Variants in DSCAM observed in about 807,000 individuals in gnomAD.
The protein encoded by DSCAM is cell adhesion molecule DSCAM.
Under a neutral mutation model 217.7 loss-of-function variants are expected in DSCAM, and 47 were observed. The ratio of observed to expected loss-of-function variants is 0.22; its 90% CI spans 0.17 to 0.28. The LOEUF (loss-of-function observed/expected upper bound fraction) is 0.28. Among genes scored for constraint, DSCAM ranks in the 10% least tolerant of loss-of-function variants. DSCAM has a pLI of 1.00. For synonymous variants in DSCAM, 1,056 were observed against 1,015.3 expected (o/e 1.04, Z -0.76); for missense variants, 2,080 against 2,618.3 (o/e 0.79, Z 4.49).
chr21:40,111,674 T>G (rs2089900682), intron 20 of DSCAM, among the ~76,000 whole-genome samples: 1 of 152,072 alleles, frequency 6.6e-6, no homozygotes, highest in Admixed American at 6.5e-5. Flanking sequence ...GAAACCCATC[T>G]CACATGCAGA....
At chr21:40,487,124 T>G (rs990255747) in intron 3 of DSCAM, among the ~76,000 whole-genome samples, 6 of 152,152 alleles carry the variant, frequency 3.9e-5, no homozygotes, top group Admixed American at 1.3e-4. Context: ...TCCTTTAAAT[T>G]TAACCTTTCA....
At chr21:40,580,567 C>T (rs1203906233) in intron 3 of DSCAM, among the ~76,000 whole-genome samples, 1 of 150,716 alleles carries the variant, frequency 6.6e-6, no homozygotes, top group Non-Finnish European at 1.5e-5. Flanking sequence ...CTACTGAGAA[C>T]GTTAAAAAGA....
chr21:40,080,283 C>T lies in DSCAM; in HGVS notation c.4289G>A (p.Ser1430Asn). 6.2e-7 allele frequency: 1 copy of T among 1,613,432 alleles called. No individual in the cohort carries two copies. The highest frequency in any genetic ancestry group is 1.1e-5 in the South Asian group (1 of 91,060). Reference sequence around the variant, plus strand: ...CAAGCGATAGGAACGTTCGCTGGGGCTGATTGGAAAACTCCCCCACTGCTC... The same window carrying T: ...CAAGCGATAGGAACGTTCGCTGGGGTTGATTGGAAAACTCCCCCACTGCTC... ...NSEQWGSFPI[S>N]PSERSYRLEN... Residue 1430 changes from serine (S) to asparagine (N), a missense_variant, in exon 25 of 33, where the codon AGC becomes AAC. By Grantham distance (46) the Ser-to-Asn change is conservative (BLOSUM62 1). Coordinates refer to ENST00000400454, the MANE Select transcript of DSCAM (RefSeq NM_001389.5).
chr21:40,416,152 T>C (rs1668855704), intron 3 of DSCAM, among the ~76,000 whole-genome samples: 1 of 152,152 alleles, frequency 6.6e-6, no homozygotes, highest in Admixed American at 6.5e-5. Context: ...TTGGACACAT[T>C]TGATTTAACG....
chr21:40,818,547 CAAAAAAAAAAAAAAAAAAAAA>C (rs60730859), intron 1 of DSCAM, among the ~76,000 whole-genome samples: 11 of 41,828 alleles, frequency 2.6e-4, no homozygotes, highest in South Asian at 1.5e-3. Flanking sequence ...CTCCGTCTCA[CAAAAAAAAAAAAAAAAAAAAA>C]AAAAAAAAAA....
chr21:40,410,860 AG>A (rs1206878867), intron 3 of DSCAM, among the ~76,000 whole-genome samples: 2 of 152,206 alleles, frequency 1.3e-5, no homozygotes, highest in African/African-American at 2.4e-5. Context: ...AACTGCTCAC[AG>A]GAGCCTTTCT....
chr21:40,217,833 G>T (rs149484539), intron 11 of DSCAM, among the ~76,000 whole-genome samples: 5 of 151,918 alleles, frequency 3.3e-5, no homozygotes, highest in Non-Finnish European at 7.4e-5. Flanking sequence ...GTCTGTTCAC[G>T]TCCTTTGCCC....
intron 3 of DSCAM, among the ~76,000 whole-genome samples, chr21:40,511,693 C>A (rs762496403): frequency 5.9e-5 from 9 of 152,038 alleles, no homozygotes; most frequent in Non-Finnish European, 1.2e-4. Flanking sequence ...TTTCACCAAC[C>A]TACAAAAAGT....
intron 10 of DSCAM, among the ~76,000 whole-genome samples, chr21:40,278,368 C>T (rs1383054368): frequency 2.6e-5 from 4 of 152,114 alleles, no homozygotes; most frequent in Non-Finnish European, 4.4e-5. Context: ...GTCACAAATA[C>T]TCATCTCTGC....
chr21:40,590,485 A>G (rs455999), intron 3 of DSCAM, among the ~76,000 whole-genome samples: 112,925 of 152,180 alleles, frequency 0.74, 42,089 homozygotes, highest in African/African-American at 0.79. Flanking sequence ...CAGATTCCTC[A>G]TGTAAAATGT....
intron 3 of DSCAM, chr21:40,630,771 G>A (rs1241972923): frequency 6.6e-6 from 1 of 152,294 alleles, no homozygotes; most frequent in Non-Finnish European, 1.5e-5. Flanking sequence ...TGGAAGCCTG[G>A]ACACAAACAA....
At chr21:40,215,759 A>G (rs2091237137) in intron 11 of DSCAM, among the ~76,000 whole-genome samples, 1 of 152,154 alleles carries the variant, frequency 6.6e-6, no homozygotes, top group African/African-American at 2.4e-5. Context: ...CGATTCATCC[A>G]CGTAACCAAA....
At chr21:40,488,932 T>C (rs1030980516) in intron 3 of DSCAM, among the ~76,000 whole-genome samples, 1 of 152,288 alleles carries the variant, frequency 6.6e-6, no homozygotes, top group South Asian at 2.1e-4. Flanking sequence ...GGAAAGAATA[T>C]TATAGGAGAT....
chr21:40,095,096 G>A (rs1278063350), intron 20 of DSCAM, among the ~76,000 whole-genome samples: 5 of 152,318 alleles, frequency 3.3e-5, no homozygotes, highest in South Asian at 2.1e-4. Context: ...GAGGCCTCAC[G>A]ATCACGGCAG....
chr21:40,021,484 TC>T (rs1201288321), intron 32 of DSCAM, among the ~76,000 whole-genome samples: 7 of 152,160 alleles, frequency 4.6e-5, no homozygotes, highest in African/African-American at 1.7e-4. Context: ...CATTTCTCAT[TC>T]TTTTCTCATC....
chr21:40,250,239 C>T (rs1244956888), intron 11 of DSCAM, among the ~76,000 whole-genome samples: 1 of 152,132 alleles, frequency 6.6e-6, no homozygotes, highest in East Asian at 1.9e-4. Context: ...CAACACTCTT[C>T]ATGTGGTCTG....
At chr21:40,645,944 G>A (rs2089940700) in intron 3 of DSCAM, among the ~76,000 whole-genome samples, 1 of 152,058 alleles carries the variant, frequency 6.6e-6, no homozygotes, top group African/African-American at 2.4e-5. Flanking sequence ...AACAATACAA[G>A]TATTAGAACC....
In DSCAM at chr21:40,543,475, G is replaced by C. The variant is rs562814330; in HGVS notation, c.508+149335C>G. On this transcript the variant is annotated intron_variant, in intron 3 of 32. Coordinates refer to ENST00000400454, the MANE Select transcript of DSCAM (RefSeq NM_001389.5). Reference sequence around the variant, plus strand: ...GGGTAGGTCATGTCCTATCACAAGCGACCCTCTAGGGGAATGCATTAAGCA... The same window carrying C: ...GGGTAGGTCATGTCCTATCACAAGCCACCCTCTAGGGGAATGCATTAAGCA... Among the ~76,000 whole-genome samples the C allele has an allele frequency of 3.0e-4, 45 of 152,258 alleles. No homozygotes were observed. The South Asian group carries it at 8.7e-3, about 29-fold the overall frequency.
intron 3 of DSCAM, among the ~76,000 whole-genome samples, chr21:40,617,119 CTTTTTTT>C (rs1178735630): frequency 1.8e-5 from 2 of 112,670 alleles, no homozygotes; most frequent in African/African-American, 7.3e-5. Flanking sequence ...CAGAACCAGT[CTTTTTTT>C]TTTTTTTTTT....
Sources: allele counts gnomAD v4.1 joint callset (sites outside exome capture counted in the v4.1 genomes callset), GRCh38; gene constraint gnomAD v4.1.1; transcripts MANE v1.5; gene names NCBI Gene and HGNC (gene_info 2026-07-23, HGNC 2026-07-21).